The following DNHD1 variants were observed in gnomAD, a reference collection of about 807,000 sequenced individuals.
The protein encoded by DNHD1 is dynein heavy chain domain-containing protein 1.
Under a neutral mutation model 458.1 loss-of-function variants are expected in DNHD1, and 383 were observed. That is an observed-to-expected ratio of 0.84 (90% CI 0.77 to 0.91). The LOEUF (loss-of-function observed/expected upper bound fraction) is 0.91, where lower values mean the gene tolerates loss of function less well. DNHD1 is among the 40% of genes least tolerant of loss of function. DNHD1 has a pLI of 0.00. For synonymous variants in DNHD1, 2,203 were observed against 2,376.9 expected, an observed-to-expected ratio of 0.93 and a Z score of 2.13; for missense variants, 5,336 against 5,866.1, an observed-to-expected ratio of 0.91 and a Z score of 2.95.
At chr11:6,514,195 C>A (rs973212045) in intron 7 of DNHD1, among the ~76,000 whole-genome samples, 1 of 152,124 alleles carries the variant, frequency 6.6e-6, no homozygotes. Context: ...CCTCCACCTC[C>A]TGTGTTCAAG....
At position 6,542,076 on chromosome 11, in the gene DNHD1, A is replaced by G. The variant is rs866665507; in HGVS notation, c.3628+1993A>G. On this transcript the variant is annotated intron_variant, in intron 18 of 42. Transcript: ENST00000254579. ...TTTTCCAGCCATTTGCAGCACATTG[A>G]TAAATGGCACCCAGCCCCCTTGTTC... 3.9e-5 allele frequency among the ~76,000 whole-genome samples: 6 copies of G among 152,310 alleles called. No individual in the cohort carries two copies. In the South Asian group the frequency reaches 1.0e-3, roughly 26 times the overall value.
At position 6,563,808 on chromosome 11, in the gene DNHD1, C is replaced by A. The variant is rs1206545269; in HGVS notation, c.9968C>A (p.Ala3323Glu). The A allele has an allele frequency of 1.9e-6, 3 of 1,551,682 alleles. No individual in the cohort carries two copies. The East Asian group carries it at 7.3e-5, about 38-fold the overall frequency. ...DAALRAVSRP[A>E]ASLAAWLWAV... ...GCCCTGCGGGCAGTGAGCCGACCTG[C>A]AGCCAGCCTGGCAGCCTGGCTCTGG... The change falls in exon 31 of 43, where the codon GCA (alanine) becomes GAA (glutamate). Residue 3323 changes from alanine (A) to glutamate (E), a missense_variant. Coordinates refer to ENST00000254579, the MANE Select transcript of DNHD1 (RefSeq NM_144666.3).
At chr11:6,551,761 T>C (rs1853352480) in intron 24 of DNHD1, among the ~76,000 whole-genome samples, 1 of 152,152 alleles carries the variant, frequency 6.6e-6, no homozygotes, top group Non-Finnish European at 1.5e-5. Flanking sequence ...GCCAACATGG[T>C]GAAACCCCGT....
Position 6,565,941 on chromosome 11 carries a change from C to CA in DNHD1, c.11004dup (p.Gly3669ArgfsTer3), listed in dbSNP as rs1393508667. ...TCCCTTCCCTACCTTAGTGTTCTTT[C>CA]AGGTGCTGACCCAGAGCTGGGTTCT... On this transcript the variant is annotated frameshift_variant, in exon 33 of 43. Coordinates refer to ENST00000254579, the MANE Select transcript of DNHD1 (RefSeq NM_144666.3). LOFTEE classifies it high-confidence loss of function. 5 of 1,551,662 alleles carry CA rather than the reference C, an allele frequency of 3.2e-6. No individual in the cohort carries two copies. In the Admixed American group the frequency reaches 9.8e-5, roughly 30 times the overall value.
intron 9 of DNHD1, 32 bp from the exon 10 acceptor site, chr11:6,520,206 T>C: frequency 6.4e-7 from 1 of 1,574,732 alleles, no homozygotes; most frequent in Admixed American, 1.9e-5. Flanking sequence ...TGCTTTCCCA[T>C]TTCTGCCCCT....
rs1853175546 is a variant in DNHD1 at position 6,544,960 on chromosome 11, A to G, written c.4021A>G (p.Ile1341Val). ...AGCAGGATCGGTGGAGCTGGAGGGCATCATCATGAGTCTGGAGAGCGTGCT... is the reference window on the plus strand; with the variant it reads ...AGCAGGATCGGTGGAGCTGGAGGGCGTCATCATGAGTCTGGAGAGCGTGCT... ...LQAGSVELEG[I>V]IMSLESVLYG... Residue 1341 changes from isoleucine to valine, a missense_variant, in exon 21 of 43, where the codon ATC (isoleucine) becomes GTC (valine). Transcript: ENST00000254579. The G allele has an allele frequency of 6.4e-7, 1 of 1,551,748 alleles. No homozygotes were observed. The highest frequency in any genetic ancestry group is 8.7e-7 in the Non-Finnish European group (1 of 1,146,996).
chr11:6,502,969 T>C (rs1852167921), intron 4 of DNHD1, 43 bp downstream of exon 4: 2 of 1,601,120 alleles, frequency 1.2e-6, no homozygotes, highest in East Asian at 4.5e-5. Context: ...CCCTGCCTGG[T>C]TTCCTTCTAT....
chr11:6,571,319 G>A lies in DNHD1; in HGVS notation c.13807G>A (p.Asp4603Asn). 1.9e-6 allele frequency: 3 copies of A among 1,612,374 alleles called. No individual in the cohort carries two copies. The highest frequency in any genetic ancestry group is 1.7e-5 in the Admixed American group (1 of 59,932). The change falls in exon 42 of 43, where the codon GAC becomes AAC. Residue 4603 changes from aspartate to asparagine, a missense_variant. By Grantham distance (23) the Asp-to-Asn change is conservative. Around this residue, in one of 4 missense-constraint regions of DNHD1, gnomAD observed 698 missense variants for 664.9 expected, o/e 1.05. Transcript: ENST00000254579. The surrounding 1 kb of genome is among the most constrained non-coding windows in gnomAD (Gnocchi z 5.0). ...GGCATTGCGTGGGGAAGCTGCCCTG[G>A]ACCAGAATGTGCCCAGCTCGAATTT... is the stretch of plus-strand genomic sequence containing the variant. ...LLALRGEAAL[D>N]QNVPSSNFPG...
At chr11:6,547,818 CT>C (rs1853256403) in intron 21 of DNHD1, 44 bp from the exon 22 acceptor site, 1 of 1,546,396 alleles carries the variant, frequency 6.5e-7, no homozygotes, top group East Asian at 2.4e-5. Context: ...CACCTTCCAC[CT>C]TTTTCTACTG....
chr11:6,559,383 C>G (rs1853537650), intron 28 of DNHD1, 100 bp downstream of exon 28: 3 of 992,584 alleles, frequency 3.0e-6, no homozygotes, highest in Non-Finnish European at 1.5e-6. Flanking sequence ...TCTTGTCCCC[C>G]TAAGCTTCCC....
intron 10 of DNHD1, among the ~76,000 whole-genome samples, chr11:6,525,213 G>C (rs1376197270): frequency 6.6e-6 from 1 of 152,150 alleles, no homozygotes; most frequent in Non-Finnish European, 1.5e-5. Context: ...CTTTTTGCCA[G>C]GAAAAGGAAT....
chr11:6,503,107 C>T (rs754375688), intron 4 of DNHD1, 181 bp downstream of exon 4: 3 of 598,928 alleles, frequency 5.0e-6, no homozygotes, highest in Admixed American at 3.7e-5. Context: ...TTTCCACTCT[C>T]TACCTCCCCT....
chr11:6,502,239 G>C (rs1371219139), intron 3 of DNHD1, among the ~76,000 whole-genome samples: 1 of 152,178 alleles, frequency 6.6e-6, no homozygotes, highest in Non-Finnish European at 1.5e-5. Flanking sequence ...TATGAAGCTA[G>C]AGGTTGGGTG....
At chr11:6,526,007 C>T (rs939303980) in intron 10 of DNHD1, among the ~76,000 whole-genome samples, 5 of 150,282 alleles carry the variant, frequency 3.3e-5, no homozygotes, top group East Asian at 1.9e-4. Flanking sequence ...TTCTGAATTA[C>T]GGTTTTTAAT....
At chr11:6,533,473 ACC>A (rs1243016783) in intron 13 of DNHD1, among the ~76,000 whole-genome samples, 6 of 152,090 alleles carry the variant, frequency 3.9e-5, no homozygotes, top group Non-Finnish European at 7.4e-5. Flanking sequence ...TGAGAAGTGG[ACC>A]CTTCACCAGA....
In DNHD1 at chr11:6,544,954, G is replaced by GA; in HGVS notation, c.4016dup (p.Ile1341HisfsTer23). On this transcript the variant is annotated frameshift_variant, in exon 21 of 43. Transcript: ENST00000254579. ...GCTGCAAGCAGGATCGGTGGAGCTG[G>GA]AGGGCATCATCATGAGTCTGGAGAG... 1 of 1,551,764 alleles carries GA rather than the reference G, an allele frequency of 6.4e-7. No individual in the cohort carries two copies. Among genetic ancestry groups the GA allele is most frequent in the Non-Finnish European group, 8.7e-7 (1 of 1,147,004 alleles).
chr11:6,512,245 G>C (rs1250240467), intron 7 of DNHD1, among the ~76,000 whole-genome samples: 1 of 117,256 alleles, frequency 8.5e-6, no homozygotes, highest in Non-Finnish European at 1.6e-5. Flanking sequence ...TTTTGAGACG[G>C]AGTCTCGCTC....
At chr11:6,520,871 C>T (rs1852592344) in intron 10 of DNHD1, 1 of 985,920 alleles carries the variant, frequency 1.0e-6, no homozygotes, top group South Asian at 4.7e-5. Context: ...TCAGTCACAT[C>T]TGACTCGTCC....
intron 7 of DNHD1, among the ~76,000 whole-genome samples, chr11:6,517,585 C>G (rs1852503697): frequency 1.3e-5 from 2 of 148,188 alleles, no homozygotes; most frequent in South Asian, 4.4e-4. Flanking sequence ...ACGTATGAAC[C>G]TGGGGACATT....
Sources: allele counts gnomAD v4.1 joint callset (sites outside exome capture counted in the v4.1 genomes callset), GRCh38; gene constraint gnomAD v4.1.1; regional missense constraint gnomAD v4.1.1; non-coding constraint Gnocchi (gnomAD v3.1); transcripts MANE v1.5; gene names NCBI Gene and HGNC (gene_info 2026-07-23, HGNC 2026-07-21).